Variants in SLC39A11 observed in about 807,000 individuals in gnomAD.
SLC39A11 encodes zinc transporter ZIP11.
Under a neutral mutation model 36.1 loss-of-function variants are expected in SLC39A11, and 33 were observed. The ratio of observed to expected loss-of-function variants is 0.91; its 90% CI spans 0.69 to 1.22. The LOEUF (loss-of-function observed/expected upper bound fraction) is 1.22. SLC39A11 is among the 50% of genes most tolerant of loss of function. The pLI is 0.00. For missense variants in SLC39A11, 432 were observed against 430.3 expected, an observed-to-expected ratio of 1.00 and a Z score of -0.03; for synonymous variants, 166 against 170.3, an observed-to-expected ratio of 0.97 and a Z score of 0.20.
At chr17:73,023,169 C>T (rs2058412288) in intron 4 of SLC39A11, among the ~76,000 whole-genome samples, 1 of 152,122 alleles carries the variant, frequency 6.6e-6, no homozygotes, top group Non-Finnish European at 1.5e-5. Flanking sequence ...TCAGAACGCC[C>T]AGTGCCCAAC....
chr17:72,748,076 C>A (rs1003454711), intron 6 of SLC39A11, among the ~76,000 whole-genome samples: 2 of 152,194 alleles, frequency 1.3e-5, no homozygotes, highest in African/African-American at 2.4e-5. Flanking sequence ...AATCCCAGCA[C>A]TTTGGGAGGC....
chr17:72,932,784 C>T (rs2084498632), intron 5 of SLC39A11, among the ~76,000 whole-genome samples: 2 of 152,194 alleles, frequency 1.3e-5, no homozygotes, highest in African/African-American at 4.8e-5. Flanking sequence ...CATGTATTCG[C>T]TTAGCCTATC....
chr17:73,088,293 C>CCAAAAAA (rs780928823), intron 2 of SLC39A11, among the ~76,000 whole-genome samples: 1 of 65,914 alleles, frequency 1.5e-5, no homozygotes, highest in African/African-American at 4.8e-5. Flanking sequence ...GATTCTGTCT[C>CCAAAAAA]AAAAAAAAAA....
chr17:72,968,249 G>A (rs555175123), intron 4 of SLC39A11, among the ~76,000 whole-genome samples: 16 of 152,342 alleles, frequency 1.1e-4, no homozygotes, highest in African/African-American at 3.1e-4. Context: ...AGGCATCTGC[G>A]AGGTAACTAT....
At chr17:72,948,075 G>T (rs545920328) in intron 4 of SLC39A11, among the ~76,000 whole-genome samples, 200 bp from the exon 5 acceptor site, 1 of 152,184 alleles carries the variant, frequency 6.6e-6, no homozygotes, top group East Asian at 1.9e-4. Flanking sequence ...GGACTTTAGT[G>T]GTTACAAAAA....
intron 6 of SLC39A11, among the ~76,000 whole-genome samples, chr17:72,767,952 T>C (rs1026005792): frequency 6.6e-6 from 1 of 151,838 alleles, no homozygotes; most frequent in South Asian, 2.1e-4. Flanking sequence ...TCCTAGGTTA[T>C]GCGTTTTTTT....
chr17:72,829,349 C>CAAA (rs11388011), intron 6 of SLC39A11, among the ~76,000 whole-genome samples: 1 of 113,504 alleles, frequency 8.8e-6, no homozygotes, highest in Non-Finnish European at 1.9e-5. Context: ...GCCTCTGTCT[C>CAAA]AAAAAAAAAA....
At position 72,683,077 on chromosome 17, in the gene SLC39A11, T is replaced by A. The variant is rs148997972; in HGVS notation, c.672-33809A>T. Among the ~76,000 whole-genome samples the A allele has an allele frequency of 3.2e-4, 49 of 152,316 alleles. No homozygotes were observed. The East Asian group carries it at 9.1e-3, about 28-fold the overall frequency. ...ACCTTTACTGTCATGTGGCAAGGTATCAGTGGCTTCTGAAGGTGCTGCTTC... is the reference window on the plus strand; with the variant it reads ...ACCTTTACTGTCATGTGGCAAGGTAACAGTGGCTTCTGAAGGTGCTGCTTC... On this transcript the variant is annotated intron_variant, in intron 7 of 9. Coordinates refer to ENST00000255559, the MANE Select transcript of SLC39A11 (RefSeq NM_139177.4).
intron 2 of SLC39A11, among the ~76,000 whole-genome samples, chr17:73,085,944 C>T (rs558045590): frequency 2.0e-5 from 3 of 152,316 alleles, no homozygotes; most frequent in East Asian, 1.9e-4. Context: ...ACTACAGTTA[C>T]ATCTTACAAA....
chr17:73,012,742 T>G (rs1286375350), intron 4 of SLC39A11, among the ~76,000 whole-genome samples: 1 of 152,070 alleles, frequency 6.6e-6, no homozygotes, highest in East Asian at 1.9e-4. Flanking sequence ...CCCATCCTTA[T>G]GACCATGTGT....
chr17:72,703,952 A>AC (rs965065543), intron 7 of SLC39A11, among the ~76,000 whole-genome samples: 2 of 152,056 alleles, frequency 1.3e-5, no homozygotes, highest in African/African-American at 4.8e-5. Context: ...ACATGGTGAA[A>AC]CCCCATCTCT....
At chr17:72,901,546 G>A (rs1487777382) in intron 5 of SLC39A11, among the ~76,000 whole-genome samples, 3 of 152,188 alleles carry the variant, frequency 2.0e-5, no homozygotes, top group Non-Finnish European at 4.4e-5. Flanking sequence ...AGAGGCTCGG[G>A]TTTGGACTAT....
chr17:72,886,194 C>G (rs75665023), intron 5 of SLC39A11, among the ~76,000 whole-genome samples: 4,077 of 152,294 alleles, frequency 0.027, 185 homozygotes, highest in African/African-American at 0.09. Flanking sequence ...TCTTCGCTCT[C>G]CTGCCTACAC....
chr17:72,958,379 G>C, intron 4 of SLC39A11, among the ~76,000 whole-genome samples: 1 of 152,220 alleles, frequency 6.6e-6, no homozygotes. Context: ...AAGAGCTTTT[G>C]CACAGCAAAA....
intron 6 of SLC39A11, among the ~76,000 whole-genome samples, chr17:72,837,324 A>C (rs530249935): frequency 7.3e-6 from 1 of 136,112 alleles, no homozygotes; most frequent in Non-Finnish European, 1.5e-5. Flanking sequence ...AATTCACTAG[A>C]TTTTTTAAAA....
At chr17:72,949,984 CA>C (rs1568006520) in intron 4 of SLC39A11, among the ~76,000 whole-genome samples, 7 of 149,476 alleles carry the variant, frequency 4.7e-5, no homozygotes, top group South Asian at 4.2e-4. Flanking sequence ...CACACACACA[CA>C]CACACACACA....
Position 72,772,551 on chromosome 17 carries a change from C to T in SLC39A11, c.602-35832G>A, listed in dbSNP as rs143423456. Among the ~76,000 whole-genome samples the T allele has an allele frequency of 4.5e-3, 691 of 152,238 alleles. 9 individuals carry two copies. The highest frequency in any genetic ancestry group is 0.015 in the African/African-American group (634 of 41,530). On this transcript the variant is annotated intron_variant, in intron 6 of 9. Coordinates refer to ENST00000255559, the MANE Select transcript of SLC39A11 (RefSeq NM_139177.4). ...CTGCTTAAGAAAATGCTGTCTGTCT[C>T]CCACCTGGCAGGAAGGAGTCAGCCA...
At chr17:72,897,052 C>CAAAAAAAAAAAAAA (rs10656675) in intron 5 of SLC39A11, among the ~76,000 whole-genome samples, 1 of 64,174 alleles carries the variant, frequency 1.6e-5, no homozygotes, top group Non-Finnish European at 2.6e-5. Context: ...GACTCTGTCT[C>CAAAAAAAAAAAAAA]AAAAAAAAAA....
At chr17:72,683,899 T>C (rs2071622153) in intron 7 of SLC39A11, among the ~76,000 whole-genome samples, 1 of 151,840 alleles carries the variant, frequency 6.6e-6, no homozygotes, top group African/African-American at 2.4e-5. Context: ...TTGGGGCTCT[T>C]CCCAGGCTGT....
Sources: gnomAD v4.1 joint callset for allele counts (sites outside exome capture counted in the v4.1 genomes callset) on GRCh38, gnomAD v4.1.1 for gene constraint, MANE v1.5 for transcripts, NCBI Gene and HGNC (gene_info 2026-07-23, HGNC 2026-07-21) for gene names.